The following PRR5 variants were observed in gnomAD, a reference collection of about 807,000 sequenced individuals.
PRR5 encodes proline rich 5, also known as proline-rich protein 5.
Under a neutral mutation model 30.6 loss-of-function variants are expected in PRR5, and 25 were observed. The observed-to-expected ratio is 0.82, with a 90% confidence interval of 0.60 to 1.14. The LOEUF is 1.14. PRR5 is among the 50% of genes most tolerant of loss of function. PRR5 has a pLI of 0.00. For synonymous variants in PRR5, 286 were observed against 247.1 expected (o/e 1.16, Z -1.48); for missense variants, 600 against 547.1 (o/e 1.10, Z -0.96).
upstream of PRR5, among the ~76,000 whole-genome samples, chr22:44,675,919 G>C (rs1049814500): frequency 2.6e-5 from 4 of 151,700 alleles, no homozygotes; most frequent in African/African-American, 9.7e-5. Flanking sequence ...CCTGATGTTC[G>C]GTTTCCCCCA....
upstream of PRR5, among the ~76,000 whole-genome samples, chr22:44,673,321 T>C (rs778002653): frequency 1.3e-5 from 2 of 152,264 alleles, no homozygotes; most frequent in Non-Finnish European, 2.9e-5. Flanking sequence ...TTTTGATTTC[T>C]GCCCTGCATA....
At position 44,737,056 on chromosome 22, in the gene PRR5, A is replaced by C. The variant is rs776880552; in HGVS notation, c.976A>C (p.Thr326Pro). The C allele has an allele frequency of 6.2e-7, 1 of 1,608,430 alleles. No individual in the cohort carries two copies. The highest frequency in any genetic ancestry group is 8.5e-7 in the Non-Finnish European group (1 of 1,178,406). ...GPCPSRLYPT[T>P]QPPEQGLDPT... The stretch of plus-strand genomic sequence containing the variant: ...CTGCCCCAGCAGACTGTACCCCACG[A>C]CCCAGCCCCCTGAGCAGGGCTTGGA... Residue 326 changes from threonine to proline, a missense_variant, in exon 8 of 8, where the codon ACC becomes CCC. Coordinates refer to ENST00000336985, the MANE Select transcript of PRR5 (RefSeq NM_181333.4).
intron 4 of PRR5, chr22:44,730,656 C>T (rs1212048991): frequency 1.9e-6 from 2 of 1,033,318 alleles, no homozygotes; most frequent in Non-Finnish European, 2.3e-6. Flanking sequence ...GTCTGGCAAG[C>T]CCAGCTCCTA....
At chr22:44,696,841 A>G (rs2146984866) in intron 1 of PRR5, among the ~76,000 whole-genome samples, 1 of 152,202 alleles carries the variant, frequency 6.6e-6, no homozygotes, top group Non-Finnish European at 1.5e-5. Flanking sequence ...GGTTCGAGCG[A>G]TTCTCCTGCC....
upstream of PRR5, among the ~76,000 whole-genome samples, chr22:44,675,111 G>A (rs368473422): frequency 9.5e-5 from 14 of 146,810 alleles, no homozygotes; most frequent in African/African-American, 1.5e-4. Flanking sequence ...TTAGCCGGGC[G>A]TGGTGGCAGT....
chr22:44,685,990 C>T (rs1280591838), intron 1 of PRR5, among the ~76,000 whole-genome samples: 2 of 152,156 alleles, frequency 1.3e-5, no homozygotes, highest in South Asian at 2.1e-4. Flanking sequence ...CATGGTGGCT[C>T]ACGTCTGTAA....
At chr22:44,715,840 T>C (rs1452725166) in intron 2 of PRR5, among the ~76,000 whole-genome samples, 1 of 152,078 alleles carries the variant, frequency 6.6e-6, no homozygotes, top group Non-Finnish European at 1.5e-5. Flanking sequence ...TTTGCAGAGA[T>C]GGGAGTCTCA....
intron 1 of PRR5, among the ~76,000 whole-genome samples, chr22:44,711,150 G>A (rs1049082393): frequency 4.6e-5 from 7 of 152,192 alleles, no homozygotes; most frequent in Admixed American, 3.3e-4. Context: ...TGGCGTTCGC[G>A]GGCAGGTGTT....
upstream of PRR5, among the ~76,000 whole-genome samples, chr22:44,672,703 G>C (rs1036280705): frequency 3.3e-5 from 5 of 152,210 alleles, no homozygotes; most frequent in African/African-American, 1.2e-4. Context: ...GAAGGGAGGG[G>C]CTGCCTGCCA....
chr22:44,702,697 C>A (rs1009642919), intron 1 of PRR5, 89 bp downstream of exon 1: 32 of 1,226,172 alleles, frequency 2.6e-5, no homozygotes, highest in Admixed American at 4.3e-5. Flanking sequence ...CCGCCCCGAG[C>A]CAGGAACGCT....
rs763205024 is a variant in PRR5 at position 44,736,814 on chromosome 22, C to T, written c.734C>T (p.Ala245Val). The change falls in exon 8 of 8, where the codon GCC becomes GTC. Residue 245 changes from alanine to valine, a missense_variant. By Grantham distance (64) the Ala-to-Val change is moderately conservative (BLOSUM62 0). Transcript: ENST00000336985. ...CGCTCCCGCTCGGGGGACGTGCTGG[C>T]CAAGAACCCTGTGGTGCGCTCCAAG... ...LRRSRSGDVLAKNPVVRSKSY... is the reference protein window; with the variant it reads ...LRRSRSGDVLVKNPVVRSKSY... 2.5e-6 allele frequency: 4 copies of T among 1,582,084 alleles called. No homozygotes were observed. In the South Asian group the frequency reaches 3.4e-5, roughly 13 times the overall value.
At chr22:44,717,231 GC>G (rs1929203434) in intron 2 of PRR5, among the ~76,000 whole-genome samples, 1 of 103,452 alleles carries the variant, frequency 9.7e-6, no homozygotes, top group Non-Finnish European at 1.8e-5. Flanking sequence ...CACTGTTGTT[GC>G]CCAGGCTGGA....
Position 44,736,787 on chromosome 22 carries a change from G to A in PRR5, c.707G>A (p.Arg236His), listed in dbSNP as rs1211886995. 2.2e-5 allele frequency: 34 copies of A among 1,551,484 alleles called. No homozygotes were observed. In the South Asian group the frequency reaches 2.9e-4, roughly 13 times the overall value. The stretch of plus-strand genomic sequence containing the variant: ...CTCTCCCCAGAAAAGCGCCTCCTCC[G>A]CCGCTCCCGCTCGGGGGACGTGCTG... ...HSCILEKRLL[R>H]RSRSGDVLAK... is the part of the protein sequence containing the mutation. Residue 236 changes from arginine to histidine, a missense_variant, in exon 8 of 8, where the codon CGC (arginine) becomes CAC (histidine). Physicochemically the swap from Arg to His is conservative, Grantham distance 29. Transcript: ENST00000336985.
intron 2 of PRR5, among the ~76,000 whole-genome samples, chr22:44,720,712 G>A (rs980765574): frequency 1.7e-4 from 26 of 152,334 alleles, no homozygotes; most frequent in African/African-American, 3.1e-4. Flanking sequence ...ATCTGAGGCC[G>A]TGTCTGTGCT....
intron 6 of PRR5, chr22:44,734,284 C>G (rs2147184733): frequency 6.6e-6 from 1 of 152,368 alleles, no homozygotes; most frequent in East Asian, 1.9e-4. Flanking sequence ...AAAAAAAATT[C>G]TACCCCCGTG....
chr22:44,728,198 C>T (rs1038982634), intron 4 of PRR5, among the ~76,000 whole-genome samples: 1 of 152,246 alleles, frequency 6.6e-6, no homozygotes, highest in Non-Finnish European at 1.5e-5. Flanking sequence ...CTCGCCAGCC[C>T]TTCCTGGCCT....
At chr22:44,676,390 CAAAA>C (rs59016907), upstream of PRR5, among the ~76,000 whole-genome samples, 43 of 37,066 alleles carry the variant, frequency 1.2e-3, no homozygotes, top group South Asian at 2.8e-3. Context: ...GACCCTGTCT[CAAAA>C]AAAAAAAAAA....
At chr22:44,713,934 G>A (rs1249586306) in intron 1 of PRR5, among the ~76,000 whole-genome samples, 1 of 152,228 alleles carries the variant, frequency 6.6e-6, no homozygotes, top group Non-Finnish European at 1.5e-5. Flanking sequence ...CTCCCGAGCA[G>A]CTGGGACTAC....
chr22:44,731,677 A>G (rs1383723161), intron 4 of PRR5, 53 bp from the exon 5 acceptor site: 1 of 1,573,674 alleles, frequency 6.4e-7, no homozygotes, highest in African/African-American at 1.3e-5. Context: ...GGGTGAGTGG[A>G]GGCATCTGCC....
Sources: allele counts gnomAD v4.1 joint callset (sites outside exome capture counted in the v4.1 genomes callset), GRCh38; gene constraint gnomAD v4.1.1; transcripts MANE v1.5; gene names NCBI Gene and HGNC (gene_info 2026-07-23, HGNC 2026-07-21).